ZFYVE27: variants seen among roughly 807,000 people sequenced by gnomAD.
ZFYVE27 encodes protrudin.
ZFYVE27 carries 36 observed loss-of-function variants against 52.8 expected under a neutral mutation model. That is an observed-to-expected ratio of 0.68 (90% CI 0.52 to 0.90). The LOEUF (loss-of-function observed/expected upper bound fraction) is 0.90. Among genes scored for constraint, ZFYVE27 ranks in the 40% least tolerant of loss-of-function variants. ZFYVE27 has a pLI of 0.00. For synonymous variants in ZFYVE27, 223 were observed against 215.6 expected (o/e 1.03, Z -0.30); for missense variants, 450 against 527.2 (o/e 0.85, Z 1.43).
chr10:97,744,420 G>A (rs1325677566), intron 3 of ZFYVE27, among the ~76,000 whole-genome samples: 1 of 152,174 alleles, frequency 6.6e-6, no homozygotes, highest in Non-Finnish European at 1.5e-5. Context: ...ATCTTAAAAC[G>A]TATTAAAAGT....
intron 4 of ZFYVE27, among the ~76,000 whole-genome samples, chr10:97,745,398 C>G (rs1427505179): frequency 6.6e-6 from 1 of 152,028 alleles, no homozygotes; most frequent in Non-Finnish European, 1.5e-5. Flanking sequence ...TCACGATGGT[C>G]TCGATCTCTT....
intron 7 of ZFYVE27, 39 bp from the exon 8 acceptor site, chr10:97,751,352 G>A (rs2046946626): frequency 6.2e-7 from 1 of 1,610,426 alleles, no homozygotes; most frequent in Non-Finnish European, 8.5e-7. Flanking sequence ...GAGCAGCGCT[G>A]CCATCCTTCT....
intron 2 of ZFYVE27, among the ~76,000 whole-genome samples, chr10:97,742,582 C>T (rs1044855927): frequency 6.6e-6 from 1 of 152,094 alleles, no homozygotes; most frequent in African/African-American, 2.4e-5. Context: ...TCAAAATAAA[C>T]TCTCAGATAA....
chr10:97,757,708 T>C lies in ZFYVE27; in HGVS notation c.1156T>C (p.Ser386Pro). The C allele has an allele frequency of 6.2e-7, 1 of 1,614,172 alleles. No homozygotes were observed. The highest frequency in any genetic ancestry group is 8.5e-7 in the Non-Finnish European group (1 of 1,180,022). ...CTGCTCCTTCAAGGTGCCCAAGTCC[T>C]CCATGGGGGCCACAGGTGAGTGGTG... ...RCCSFKVPKS[S>P]MGATAPEAQR... The change falls in exon 12 of 13, where the codon TCC becomes CCC. Residue 386 changes from serine (S) to proline (P), a missense_variant. Physicochemically the swap from Ser to Pro is moderately conservative, Grantham distance 74. Coordinates refer to ENST00000684270, the MANE Select transcript of ZFYVE27 (RefSeq NM_001385875.1).
chr10:97,754,915 C>T (rs1264579097), intron 10 of ZFYVE27: 14 of 871,742 alleles, frequency 1.6e-5, no homozygotes, highest in Non-Finnish European at 1.9e-5. Context: ...GAGTGCTTTG[C>T]CCAGAGACTT....
intron 3 of ZFYVE27, 69 bp from the exon 4 acceptor site, chr10:97,744,659 TG>T (rs1426559828): frequency 6.3e-7 from 1 of 1,579,870 alleles, no homozygotes; most frequent in Non-Finnish European, 8.6e-7. Flanking sequence ...GAACAAGCAG[TG>T]GGCGTCTGGG....
chr10:97,757,680 A>T lies in ZFYVE27; in HGVS notation c.1128A>T (p.Arg376=). ...CSNCGNSFCS[R]CCSFKVPKSS... is the part of the protein sequence containing the mutation. ...ATTGTGGAAACAGCTTCTGCTCTCGATGCTGCTCCTTCAAGGTGCCCAAGT... is the reference window on the plus strand; with the variant it reads ...ATTGTGGAAACAGCTTCTGCTCTCGTTGCTGCTCCTTCAAGGTGCCCAAGT... The change falls in exon 12 of 13, where the codon CGA becomes CGT. Residue 376 remains arginine, a synonymous_variant. Transcript: ENST00000684270. 6.2e-7 allele frequency: 1 copy of T among 1,614,188 alleles called. No homozygotes were observed. Among genetic ancestry groups the T allele is most frequent in the Non-Finnish European group, 8.5e-7 (1 of 1,180,022 alleles).
chr10:97,752,156 T>C (rs945833305), intron 8 of ZFYVE27, among the ~76,000 whole-genome samples: 2 of 152,234 alleles, frequency 1.3e-5, no homozygotes, highest in African/African-American at 4.8e-5. Flanking sequence ...CTGCTGTATT[T>C]TGTCACTGAG....
At chr10:97,750,559 G>A in intron 7 of ZFYVE27, 89 bp downstream of exon 7, 1 of 1,567,506 alleles carries the variant, frequency 6.4e-7, no homozygotes, top group South Asian at 1.1e-5. Context: ...GCTGGCCTCT[G>A]TTGTAGTTCC....
Position 97,760,288 on chromosome 10 carries a change from C to T in ZFYVE27, c.*988C>T, listed in dbSNP as rs1044221638. 3.3e-5 allele frequency: 5 copies of T among 152,142 alleles called. No individual in the cohort carries two copies. The highest frequency in any genetic ancestry group is 3.3e-4 in the Admixed American group (5 of 15,282). The allele number at this position is 152,142 out of a possible 1,614,324, so 9.4% of individuals were successfully genotyped here. ...GGGTCCTGGATTCCAGGGCTATTCCCTGGAGGACAGTCTCAGTTATGGGAT... is the reference window on the plus strand; with the variant it reads ...GGGTCCTGGATTCCAGGGCTATTCCTTGGAGGACAGTCTCAGTTATGGGAT... On this transcript the variant is annotated 3_prime_UTR_variant, in exon 13 of 13. Transcript: ENST00000684270.
At chr10:97,753,219 T>C (rs1462511933) in intron 10 of ZFYVE27, 37 bp downstream of exon 10, 1 of 1,591,794 alleles carries the variant, frequency 6.3e-7, no homozygotes, top group East Asian at 2.3e-5. Flanking sequence ...GGTGGGGGAG[T>C]GGGGGTGGAC....
chr10:97,752,933 C>T (rs543618794), intron 9 of ZFYVE27, 56 bp downstream of exon 9: 29 of 1,611,718 alleles, frequency 1.8e-5, no homozygotes, highest in East Asian at 2.2e-5. Context: ...GTGGCTGAAC[C>T]GGCTGCTGCC....
intron 7 of ZFYVE27, among the ~76,000 whole-genome samples, chr10:97,750,924 G>T (rs1452704263): frequency 3.3e-5 from 5 of 151,934 alleles, no homozygotes; most frequent in Non-Finnish European, 4.4e-5. Flanking sequence ...TGTATTTTTA[G>T]TAAAGATGAG....
intron 12 of ZFYVE27, 151 bp downstream of exon 12, chr10:97,757,874 C>T (rs78756255): frequency 3.0e-6 from 2 of 666,514 alleles, no homozygotes; most frequent in East Asian, 5.4e-5. Flanking sequence ...TTAGCAAAAT[C>T]CTGAAACATT....
At chr10:97,737,872 G>A (rs2042530595) in intron 1 of ZFYVE27, among the ~76,000 whole-genome samples, 1 of 152,252 alleles carries the variant, frequency 6.6e-6, no homozygotes, top group African/African-American at 2.4e-5. Context: ...AGAGGATCGG[G>A]CGAGAGTCCT....
chr10:97,755,347 C>T (rs2048091008), intron 10 of ZFYVE27, among the ~76,000 whole-genome samples: 1 of 152,206 alleles, frequency 6.6e-6, no homozygotes, highest in Non-Finnish European at 1.5e-5. Context: ...ATTTCAGCGA[C>T]TATAACGAAA....
intron 8 of ZFYVE27, among the ~76,000 whole-genome samples, chr10:97,751,687 G>C (rs959029510): frequency 6.6e-6 from 1 of 152,184 alleles, no homozygotes; most frequent in Non-Finnish European, 1.5e-5. Context: ...GAAGTCTCCG[G>C]GTAATGCCCT....
rs1165434871 is a variant in ZFYVE27, at chr10:97,743,161, G to A, written c.265G>A (p.Glu89Lys). 1.2e-6 allele frequency: 2 copies of A among 1,614,246 alleles called. No individual in the cohort carries two copies. The highest frequency in any genetic ancestry group is 1.7e-6 in the Non-Finnish European group (2 of 1,180,046). The part of the protein sequence containing the change: ...GLNVLFLTLN[E>K]GAWYSVGALM... ...CAACGTCTTGTTCCTCACTTTGAATGAGGGTAAGAACTGCCTTCAGGGGCC... is the reference window on the plus strand; with the variant it reads ...CAACGTCTTGTTCCTCACTTTGAATAAGGGTAAGAACTGCCTTCAGGGGCC... Residue 89 changes from glutamate (E) to lysine (K), a missense_variant, in exon 3 of 13, where the codon GAG becomes AAG. Glu to Lys is a moderately conservative substitution (Grantham distance 56, BLOSUM62 1). Transcript: ENST00000684270.
At position 97,750,025 on chromosome 10, in the gene ZFYVE27, A is replaced by T. The variant is rs987834900; in HGVS notation, c.665-306A>T. On this transcript the variant is annotated intron_variant, in intron 6 of 12. Coordinates refer to ENST00000684270, the MANE Select transcript of ZFYVE27 (RefSeq NM_001385875.1). ...AGAGGCACTGAGTCGCAGAGGCCCG[A>T]GTCTGTACATATGTTTGGGTGATTG... The T allele has an allele frequency of 1.6e-5, 7 of 443,732 alleles. No homozygotes were observed. The Admixed American group carries it at 2.4e-4, about 15-fold the overall frequency. The allele number at this position is 443,732 out of a possible 1,614,324, so 27.5% of individuals were successfully genotyped here.
Sources: allele counts gnomAD v4.1 joint callset (sites outside exome capture counted in the v4.1 genomes callset), GRCh38; gene constraint gnomAD v4.1.1; transcripts MANE v1.5; gene names NCBI Gene and HGNC (gene_info 2026-07-23, HGNC 2026-07-21).